Variants in SIPA1L2 observed in about 807,000 individuals in gnomAD.
The protein encoded by SIPA1L2 is signal-induced proliferation-associated 1-like protein 2.
A neutral mutation model predicts 163.9 loss-of-function variants in SIPA1L2; 56 were observed. The ratio of observed to expected loss-of-function variants is 0.34; its 90% CI spans 0.28 to 0.43. The LOEUF is 0.43. Among genes scored for constraint, SIPA1L2 ranks in the 20% least tolerant of loss-of-function variants. The probability of loss-of-function intolerance (pLI) is 1.00; values close to 1 mark genes in which losing one functional copy is unlikely to be tolerated. For synonymous variants in SIPA1L2, 877 were observed against 865.7 expected (o/e 1.01, Z -0.23); for missense variants, 1,974 against 2,193.5 (o/e 0.90, Z 2.00).
intron 3 of SIPA1L2, 142 bp from the exon 4 acceptor site, chr1:232,493,802 A>G: frequency 9.0e-7 from 1 of 1,108,872 alleles, no homozygotes; most frequent in Non-Finnish European, 1.3e-6. Flanking sequence ...CTGTTTCATC[A>G]AGTCTTCTGG....
At chr1:232,455,897 C>G (rs1663883979) in intron 10 of SIPA1L2, among the ~76,000 whole-genome samples, 1 of 151,976 alleles carries the variant, frequency 6.6e-6, no homozygotes, top group East Asian at 1.9e-4. Context: ...GGGAGCTAAA[C>G]ATTGAGTACA....
chr1:232,417,032 C>T (rs547053572), intron 18 of SIPA1L2, among the ~76,000 whole-genome samples: 2 of 152,152 alleles, frequency 1.3e-5, no homozygotes, highest in South Asian at 2.1e-4. Flanking sequence ...CTTGTGAACA[C>T]ATCTGACTAA....
At chr1:232,488,072 C>A (rs1158322442) in intron 5 of SIPA1L2, among the ~76,000 whole-genome samples, 2 of 152,002 alleles carry the variant, frequency 1.3e-5, no homozygotes, top group Non-Finnish European at 2.9e-5. Flanking sequence ...CCTGCCTCAG[C>A]CTCCCTAGTA....
chr1:232,442,552 G>GAAAAAAAAAAA (rs59025710), intron 12 of SIPA1L2, among the ~76,000 whole-genome samples: 755 of 74,560 alleles, frequency 0.01, 14 homozygotes, highest in African/African-American at 0.034. Context: ...CATCTCAAAA[G>GAAAAAAAAAAA]AAAAAAAAAA....
intron 2 of SIPA1L2, among the ~76,000 whole-genome samples, chr1:232,560,354 C>T (rs763188865): frequency 2.0e-5 from 3 of 152,104 alleles, no homozygotes; most frequent in Non-Finnish European, 4.4e-5. Context: ...ATAATATCAC[C>T]CAAAAGAAGC....
intron 3 of SIPA1L2, among the ~76,000 whole-genome samples, chr1:232,501,541 G>C (rs1225848212): frequency 6.6e-6 from 1 of 152,054 alleles, no homozygotes; most frequent in Non-Finnish European, 1.5e-5. Context: ...TAATGGGGTG[G>C]GGCTGAGCAC....
chr1:232,616,886 A>C (rs886424418), intron 1 of SIPA1L2, among the ~76,000 whole-genome samples: 14 of 152,190 alleles, frequency 9.2e-5, no homozygotes, highest in Non-Finnish European at 1.9e-4. Flanking sequence ...TGGTTAACTA[A>C]GTCTAGAATT....
intron 1 of SIPA1L2, among the ~76,000 whole-genome samples, chr1:232,600,570 C>A (rs905438842): frequency 2.6e-5 from 4 of 152,124 alleles, no homozygotes; most frequent in Non-Finnish European, 5.9e-5. Flanking sequence ...TTTGATTTTG[C>A]TTTCTGCCCA....
At chr1:232,629,476 GGCCAGGC>G (rs1360130766) in intron 1 of SIPA1L2, among the ~76,000 whole-genome samples, 1 of 152,230 alleles carries the variant, frequency 6.6e-6, no homozygotes, top group Non-Finnish European at 1.5e-5. Flanking sequence ...GGCGTCAGCT[GGCCAGGC>G]GCGCCGGGGA....
chr1:232,611,465 G>A (rs1286574908), intron 1 of SIPA1L2, among the ~76,000 whole-genome samples: 1 of 152,156 alleles, frequency 6.6e-6, no homozygotes, highest in East Asian at 1.9e-4. Flanking sequence ...GAATGGCTTT[G>A]ACCAAAAGCC....
At chr1:232,426,017 C>G (rs1427546231) in intron 17 of SIPA1L2, among the ~76,000 whole-genome samples, 1 of 152,144 alleles carries the variant, frequency 6.6e-6, no homozygotes, top group Non-Finnish European at 1.5e-5. Context: ...ATGTTTTCCT[C>G]CTTTGACATT....
chr1:232,404,877 C>G (rs939020212), intron 19 of SIPA1L2, among the ~76,000 whole-genome samples: 2 of 152,146 alleles, frequency 1.3e-5, no homozygotes, highest in African/African-American at 4.8e-5. Flanking sequence ...TTTCTGAGCA[C>G]ACTTATGTAT....
intron 2 of SIPA1L2, among the ~76,000 whole-genome samples, chr1:232,560,876 C>A (rs1022555377): frequency 1.3e-5 from 2 of 152,092 alleles, no homozygotes; most frequent in Non-Finnish European, 2.9e-5. Flanking sequence ...TTTTAAGAGT[C>A]TAGATTTTCA....
At position 232,528,103 on chromosome 1, in the gene SIPA1L2, A is replaced by G. The variant is rs868380043; in HGVS notation, c.-269-12495T>C. ...TTATATATATATATATATATATATA[A>G]TCAACTTTCTAAAAACCACAGGTAG... On this transcript the variant is annotated intron_variant, in intron 2 of 22. Coordinates refer to ENST00000674635, the MANE Select transcript of SIPA1L2 (RefSeq NM_020808.5). Among the ~76,000 whole-genome samples the G allele has an allele frequency of 3.4e-3, 176 of 51,732 alleles. 3 individuals are homozygous for G. Among genetic ancestry groups the G allele is most frequent in the African/African-American group, 0.013 (166 of 12,794 alleles). The allele number at this position is 51,732 out of a possible 152,430, so 33.9% of individuals were successfully genotyped here. A position where few individuals can be genotyped will look rare whatever the true frequency, so the allele number is the denominator to read the frequency against.
chr1:232,621,336 T>G (rs1257455367), intron 1 of SIPA1L2, among the ~76,000 whole-genome samples: 1 of 152,110 alleles, frequency 6.6e-6, no homozygotes, highest in Non-Finnish European at 1.5e-5. Context: ...TCCGCCATTC[T>G]TATATGCACA....
At chr1:232,430,323 G>A (rs1182817300) in intron 16 of SIPA1L2, among the ~76,000 whole-genome samples, 1 of 152,234 alleles carries the variant, frequency 6.6e-6, no homozygotes, top group Non-Finnish European at 1.5e-5. Context: ...GGAACAGCAT[G>A]AATGGGTGCA....
At chr1:232,458,021 T>A (rs567765131) in intron 10 of SIPA1L2, among the ~76,000 whole-genome samples, 1 of 152,238 alleles carries the variant, frequency 6.6e-6, no homozygotes, top group African/African-American at 2.4e-5. Context: ...GAGTTTTAAA[T>A]GATACAGGCT....
chr1:232,425,831 G>A, intron 17 of SIPA1L2, 23 bp from the exon 18 acceptor site: 1 of 1,602,344 alleles, frequency 6.2e-7, no homozygotes, highest in Non-Finnish European at 8.5e-7. Context: ...CAAGGTGCGA[G>A]GAGGGAACAG....
chr1:232,616,552 T>C (rs1221227546), intron 1 of SIPA1L2, among the ~76,000 whole-genome samples: 1 of 152,180 alleles, frequency 6.6e-6, no homozygotes, highest in African/African-American at 2.4e-5. Context: ...CTGGGCCCTA[T>C]GGTGGCAGAC....
Sources: gnomAD v4.1 joint callset for allele counts (sites outside exome capture counted in the v4.1 genomes callset) on GRCh38, gnomAD v4.1.1 for gene constraint, MANE v1.5 for transcripts, NCBI Gene and HGNC (gene_info 2026-07-23, HGNC 2026-07-21) for gene names.